TIAM1: variants seen among roughly 807,000 people sequenced by gnomAD.
TIAM1 encodes the protein TIAM Rac1 associated GEF 1.
A neutral mutation model predicts 163.5 loss-of-function variants in TIAM1; 65 were observed. The observed-to-expected ratio is 0.40, with a 90% CI of 0.33 to 0.49. TIAM1 has a LOEUF of 0.49. Among genes scored for constraint, TIAM1 ranks in the 20% least tolerant of loss-of-function variants. The pLI is 0.77. For synonymous variants in TIAM1, 833 were observed against 810.1 expected (o/e 1.03, Z -0.48); for missense variants, 1,789 against 2,044.7 (o/e 0.87, Z 2.41).
At chr21:31,436,378 C>T (rs192674777) in intron 2 of TIAM1, among the ~76,000 whole-genome samples, 1 of 152,310 alleles carries the variant, frequency 6.6e-6, no homozygotes, top group Non-Finnish European at 1.5e-5. Context: ...TGGCTCATGC[C>T]TGTAATCTCA....
chr21:31,258,345 C>T (rs77709640), intron 4 of TIAM1, among the ~76,000 whole-genome samples: 7,021 of 152,248 alleles, frequency 0.046, 531 homozygotes, highest in African/African-American at 0.16. Context: ...TGCACTGCAG[C>T]TGGAGTTAAA....
intron 1 of TIAM1, among the ~76,000 whole-genome samples, chr21:31,506,513 T>C (rs1344234438): frequency 6.6e-6 from 1 of 152,210 alleles, no homozygotes; most frequent in African/African-American, 2.4e-5. Flanking sequence ...TTCACTACTC[T>C]AGGTCCCTCA....
At chr21:31,486,710 G>A (rs1240689233) in intron 1 of TIAM1, among the ~76,000 whole-genome samples, 1 of 152,214 alleles carries the variant, frequency 6.6e-6, no homozygotes, top group Non-Finnish European at 1.5e-5. Flanking sequence ...CTTCCTGATG[G>A]GAAGCCCAAG....
intron 1 of TIAM1, among the ~76,000 whole-genome samples, chr21:31,549,680 A>G (rs1287017825): frequency 6.6e-6 from 1 of 152,220 alleles, no homozygotes; most frequent in Non-Finnish European, 1.5e-5. Flanking sequence ...GTTGACAAAG[A>G]TGTGGGAAAA....
rs1171910772 is a variant in TIAM1 at position 31,213,335 on chromosome 21, C to A, written c.2217+63G>T. 4 of 1,420,046 alleles carry A rather than the reference C, an allele frequency of 2.8e-6. No individual in the cohort carries two copies. In the African/African-American group the frequency reaches 4.3e-5, roughly 15 times the overall value. The allele number at this position is 1,420,046 out of a possible 1,614,324, so 88.0% of individuals were successfully genotyped here. ...ATTTTAGTAGCTCAAGACAACACTG[C>A]ACCATGTATATGTTGATGCACTTGT... On this transcript the variant is annotated intron_variant, in intron 10 of 27. Coordinates refer to ENST00000541036, the MANE Select transcript of TIAM1 (RefSeq NM_001353694.2).
chr21:31,468,504 C>A (rs139543811), intron 1 of TIAM1, among the ~76,000 whole-genome samples: 1 of 150,310 alleles, frequency 6.7e-6, no homozygotes, highest in Non-Finnish European at 1.5e-5. Flanking sequence ...AGACCGGGCA[C>A]GGTGACTCAG....
chr21:31,489,091 C>T (rs564303106), intron 1 of TIAM1, among the ~76,000 whole-genome samples: 198 of 151,444 alleles, frequency 1.3e-3, no homozygotes, highest in African/African-American at 4.5e-3. Flanking sequence ...AACTGTGGGC[C>T]GGGTGCAGTA....
intron 1 of TIAM1, among the ~76,000 whole-genome samples, chr21:31,500,152 G>A (rs1369742755): frequency 1.3e-5 from 2 of 152,088 alleles, no homozygotes; most frequent in African/African-American, 4.8e-5. Flanking sequence ...GTGACAGAGC[G>A]AGACTCCATC....
chr21:31,240,772 C>A lies in TIAM1; in HGVS notation c.1584+4716G>T, dbSNP rs147255235. Among the ~76,000 whole-genome samples, 300 of 152,124 alleles carry A rather than the reference C, an allele frequency of 2.0e-3. 2 individuals are homozygous for A. Among genetic ancestry groups the A allele is most frequent in the African/African-American group, 6.9e-3 (287 of 41,398 alleles). On this transcript the variant is annotated intron_variant, in intron 6 of 27. Transcript: ENST00000541036. ...AACAGTCGAACAAATAAGAAGTTGACCAAGAAACTTGAGGAAAAGTTGGGG... is the reference window on the plus strand; with the variant it reads ...AACAGTCGAACAAATAAGAAGTTGAACAAGAAACTTGAGGAAAAGTTGGGG...
chr21:31,221,356 G>A (rs904461961), intron 8 of TIAM1, among the ~76,000 whole-genome samples: 1 of 152,146 alleles, frequency 6.6e-6, no homozygotes, highest in South Asian at 2.1e-4. Flanking sequence ...ACCCAAGAAA[G>A]GAACAGAGAG....
At chr21:31,481,935 G>T (rs554378229) in intron 1 of TIAM1, among the ~76,000 whole-genome samples, 20 of 151,998 alleles carry the variant, frequency 1.3e-4, no homozygotes, top group African/African-American at 4.8e-4. Flanking sequence ...CACATGGTTT[G>T]GTCTTTCTGG....
chr21:31,259,877 A>C (rs1461914152), intron 4 of TIAM1, among the ~76,000 whole-genome samples: 2 of 151,848 alleles, frequency 1.3e-5, no homozygotes, highest in Admixed American at 6.6e-5. Context: ...GCTAGAAATC[A>C]TAGAGATCTG....
At chr21:31,388,212 AAC>A (rs11369323) in intron 2 of TIAM1, among the ~76,000 whole-genome samples, 6,242 of 115,770 alleles carry the variant, frequency 0.054, 149 homozygotes, top group Non-Finnish European at 0.06. Flanking sequence ...AGAAGACCCT[AAC>A]ACACACACAC....
At chr21:31,519,115 C>T (rs2047481160) in intron 1 of TIAM1, among the ~76,000 whole-genome samples, 1 of 151,920 alleles carries the variant, frequency 6.6e-6, no homozygotes, top group Non-Finnish European at 1.5e-5. Context: ...TCGAGACCAG[C>T]CTCAACATGG....
intron 12 of TIAM1, 136 bp from the exon 13 acceptor site, chr21:31,195,441 A>C (rs1425976530): frequency 1.6e-6 from 1 of 638,444 alleles, no homozygotes; most frequent in Non-Finnish European, 2.6e-6. Context: ...CATTAAACGA[A>C]ACTCATTAAA....
intron 2 of TIAM1, among the ~76,000 whole-genome samples, chr21:31,454,600 C>G (rs1056506252): frequency 2.6e-5 from 4 of 152,082 alleles, no homozygotes; most frequent in African/African-American, 9.7e-5. Context: ...CGTGTCCAAG[C>G]CAAGCATGAC....
At chr21:31,535,490 T>C (rs941060176) in intron 1 of TIAM1, among the ~76,000 whole-genome samples, 1 of 151,506 alleles carries the variant, frequency 6.6e-6, no homozygotes, top group Non-Finnish European at 1.5e-5. Flanking sequence ...CTCTGATTCC[T>C]TAAATTAATT....
intron 2 of TIAM1, among the ~76,000 whole-genome samples, chr21:31,371,049 T>C (rs1468780201): frequency 6.6e-6 from 1 of 152,320 alleles, no homozygotes; most frequent in Non-Finnish European, 1.5e-5. Flanking sequence ...AATGACTGTG[T>C]TCTTCTCTCA....
In TIAM1 at chr21:31,260,700, GA is replaced by G. The variant is rs36041797; in HGVS notation, c.963+5309del. ...CAGAAAAAGAAAGATAAAGAGAAAA[GA>G]AAAAAAAAAAAGCATCAAACAGAAG... On this transcript the variant is annotated intron_variant, in intron 4 of 27. Transcript: ENST00000541036. Among the ~76,000 whole-genome samples the G allele has an allele frequency of 9.7e-3, 1,174 of 120,888 alleles. 18 individuals carry two copies. Among genetic ancestry groups the G allele is most frequent in the African/African-American group, 0.036 (1,075 of 29,458 alleles). The allele number at this position is 120,888 out of a possible 152,430, so 79.3% of individuals were successfully genotyped here.
Sources: allele counts gnomAD v4.1 joint callset (sites outside exome capture counted in the v4.1 genomes callset), GRCh38; gene constraint gnomAD v4.1.1; transcripts MANE v1.5; gene names NCBI Gene and HGNC (gene_info 2026-07-23, HGNC 2026-07-21).